SPTY2D1: variants seen among roughly 807,000 people sequenced by gnomAD.
The protein encoded by SPTY2D1 is SPT2 chromatin protein domain containing 1.
Under a neutral mutation model 64.0 loss-of-function variants are expected in SPTY2D1, and 21 were observed. That is an observed-to-expected ratio of 0.33 (90% CI 0.23 to 0.47). The LOEUF (loss-of-function observed/expected upper bound fraction) is 0.47. Among genes scored for constraint, SPTY2D1 ranks in the 20% least tolerant of loss-of-function variants. SPTY2D1 has a pLI of 1.00. For missense variants in SPTY2D1, 724 were observed against 837.2 expected (o/e 0.86, Z 1.67); for synonymous variants, 287 against 286.8 (o/e 1.00, Z -0.01).
intron 2 of SPTY2D1, 141 bp downstream of exon 2, chr11:18,616,734 C>CCTGG (rs2134111719): frequency 3.7e-4 from 1 of 2,734 alleles, no homozygotes; most frequent in East Asian, 9.4e-3. Flanking sequence ...TTAACCTGGA[C>CCTGG]ACACACACAC....
chr11:18,620,836 G>A (rs10832953), intron 1 of SPTY2D1, among the ~76,000 whole-genome samples: 12,835 of 138,268 alleles, frequency 0.093, 658 homozygotes, highest in South Asian at 0.2. Flanking sequence ...GCAGTGAGCC[G>A]AGATCGCGCC....
chr11:18,619,499 C>T (rs1854356588), intron 1 of SPTY2D1, among the ~76,000 whole-genome samples: 1 of 151,302 alleles, frequency 6.6e-6, no homozygotes, highest in African/African-American at 2.4e-5. Context: ...TGACTTACAC[C>T]TGTAATCCCA....
In SPTY2D1 at chr11:18,612,255, A is replaced by C. The variant is rs534224956; in HGVS notation, c.1886+59T>G. 3 of 1,405,264 alleles carry C rather than the reference A, an allele frequency of 2.1e-6. 1 individual carries two copies. In the South Asian group the frequency reaches 4.3e-5, roughly 20 times the overall value. 87.0% of individuals were successfully genotyped at this position (1,405,264 alleles called of 1,614,324 possible). On this transcript the variant is annotated intron_variant, in intron 4 of 5. Coordinates refer to ENST00000336349, the MANE Select transcript of SPTY2D1 (RefSeq NM_194285.3). This position sits in a 1 kb window ranked among gnomAD's most constrained non-coding sequence, Gnocchi z 4.6. ...CACTATTAGTTTATTACCCCATGAC[A>C]TGAATTATTCAAAATAAAAAAAGGA...
chr11:18,615,953 C>A lies in SPTY2D1; in HGVS notation c.321G>T (p.Lys107Asn). The change falls in exon 3 of 6, where the codon AAG (lysine) becomes AAT (asparagine). Residue 107 changes from lysine (K) to asparagine (N), a missense_variant. Lys to Asn is a moderately conservative substitution (Grantham distance 94). Transcript: ENST00000336349. ...TGGTATGGCTTTCTGTTGCCTGCCT[C>A]TTCTTTGACTTTTCCTCAATAGGAA... is the stretch of plus-strand genomic sequence containing the variant. ...NGIPIEEKSK[K>N]RQATESHTSQ... is the part of the protein sequence containing the mutation. The A allele has an allele frequency of 1.3e-6, 2 of 1,530,344 alleles. No individual in the cohort carries two copies. Among genetic ancestry groups the A allele is most frequent in the Middle Eastern group, 1.7e-4 (1 of 5,928 alleles). 94.8% of individuals were successfully genotyped at this position (1,530,344 alleles called of 1,614,324 possible). A position where few individuals can be genotyped will look rare whatever the true frequency, so the allele number is the denominator to read the frequency against.
rs1213674721 is a variant in SPTY2D1 at position 18,615,120 on chromosome 11, C to T, written c.1154G>A (p.Gly385Glu). The T allele has an allele frequency of 1.2e-6, 2 of 1,614,190 alleles. No individual in the cohort carries two copies. Among genetic ancestry groups the T allele is most frequent in the South Asian group, 1.1e-5 (1 of 91,088 alleles). ...SSSAPGQPST[G>E]VARPTVSSGP... ...AGAACTAACTGTGGGTCGAGCAACCCCTGTGCTGGGCTGCCCAGGGGCTGA... is the reference window on the plus strand; with the variant it reads ...AGAACTAACTGTGGGTCGAGCAACCTCTGTGCTGGGCTGCCCAGGGGCTGA... Residue 385 changes from glycine (G) to glutamate (E), a missense_variant, in exon 3 of 6, where the codon GGG becomes GAG. This residue lies in a region of SPTY2D1 where 426 missense variants were observed against 431.8 expected (regional missense o/e 0.99). Coordinates refer to ENST00000336349, the MANE Select transcript of SPTY2D1 (RefSeq NM_194285.3).
rs747593791 is a variant in SPTY2D1 at position 18,622,086 on chromosome 11, C to CAAAAA, written c.61-5102_61-5098dup. ...TGAACAACAGAGTAAGACCCTATCTCAAAAAAAAAAAAAAAAAACCAAAAC... is the reference window on the plus strand; with the variant it reads ...TGAACAACAGAGTAAGACCCTATCTCAAAAAAAAAAAAAAAAAAAAAAACCAAAAC... On this transcript the variant is annotated intron_variant, in intron 1 of 5. Transcript: ENST00000336349. Among the ~76,000 whole-genome samples, 55 of 11,836 alleles carry CAAAAA rather than the reference C, an allele frequency of 4.6e-3. 3 individuals carry two copies. Among genetic ancestry groups the CAAAAA allele is most frequent in the Non-Finnish European group, 8.1e-3 (49 of 6,066 alleles). 7.8% of individuals were successfully genotyped at this position (11,836 alleles called of 152,430 possible).
intron 1 of SPTY2D1, among the ~76,000 whole-genome samples, chr11:18,628,062 C>A (rs1268024598): frequency 2.6e-5 from 4 of 152,038 alleles, no homozygotes; most frequent in African/African-American, 9.7e-5. Context: ...ACAAAAAAAA[C>A]CTGACTGAGA....
At chr11:18,632,586 T>G (rs1854605994) in intron 1 of SPTY2D1, among the ~76,000 whole-genome samples, 1 of 152,184 alleles carries the variant, frequency 6.6e-6, no homozygotes, top group Admixed American at 6.5e-5. Context: ...TGACTTCAGG[T>G]GATTCTCCCG....
Position 18,612,107 on chromosome 11 carries a change from C to T in SPTY2D1, c.1886+207G>A, listed in dbSNP as rs775876700. Reference sequence around the variant, plus strand: ...AATTTAAAAGGGTTATTTTTTGTTCCTCATGCAAATAACTACAGAAACTAT... The same window carrying T: ...AATTTAAAAGGGTTATTTTTTGTTCTTCATGCAAATAACTACAGAAACTAT... On this transcript the variant is annotated intron_variant, in intron 4 of 5. Transcript: ENST00000336349. This position sits in a 1 kb window ranked among gnomAD's most constrained non-coding sequence, Gnocchi z 4.6. The T allele has an allele frequency of 1.8e-5, 7 of 397,478 alleles. No individual in the cohort carries two copies. The highest frequency in any genetic ancestry group is 2.6e-5 in the Non-Finnish European group (6 of 228,798). 24.6% of individuals were successfully genotyped at this position (397,478 alleles called of 1,614,324 possible).
At chr11:18,626,845 G>A (rs1252861639) in intron 1 of SPTY2D1, among the ~76,000 whole-genome samples, 3 of 152,140 alleles carry the variant, frequency 2.0e-5, no homozygotes, top group East Asian at 1.9e-4. Flanking sequence ...GGAAAAAGGT[G>A]AACAGTAGTT....
chr11:18,627,769 C>T (rs1004913465), intron 1 of SPTY2D1, among the ~76,000 whole-genome samples: 3 of 152,084 alleles, frequency 2.0e-5, no homozygotes, highest in Non-Finnish European at 2.9e-5. Flanking sequence ...GTCCCAGCTA[C>T]TCGGGAGGCT....
intron 1 of SPTY2D1, 111 bp from the exon 2 acceptor site, chr11:18,617,100 A>C (rs1854311048): frequency 2.4e-5 from 19 of 786,296 alleles, no homozygotes; most frequent in Non-Finnish European, 3.7e-5. Context: ...TGTGAAACCT[A>C]TTCTGAATAA....
At position 18,614,805 on chromosome 11, in the gene SPTY2D1, C is replaced by A. The variant is rs375716843; in HGVS notation, c.1469G>T (p.Ser490Ile). The A allele has an allele frequency of 1.3e-5, 21 of 1,613,158 alleles. No individual in the cohort carries two copies. The highest frequency in any genetic ancestry group is 1.4e-5 in the Non-Finnish European group (17 of 1,179,476). The change falls in exon 3 of 6, where the codon AGT (serine) becomes ATT (isoleucine). Residue 490 changes from serine (S) to isoleucine (I), a missense_variant. By Grantham distance (142) the Ser-to-Ile change is moderately radical. This residue lies in a region of SPTY2D1 where 426 missense variants were observed against 431.8 expected (regional missense o/e 0.99). Coordinates refer to ENST00000336349, the MANE Select transcript of SPTY2D1 (RefSeq NM_194285.3). Reference sequence around the variant, plus strand: ...GCCACTTATGGATCTCCCAGGGCCACTGACAGACCGCCCCGGGGGGCCCAA... The same window carrying A: ...GCCACTTATGGATCTCCCAGGGCCAATGACAGACCGCCCCGGGGGGCCCAA... ...SGLGPPGRSV[S>I]GPGRSISGSI...
At chr11:18,620,011 A>C (rs1854366756) in intron 1 of SPTY2D1, among the ~76,000 whole-genome samples, 1 of 152,178 alleles carries the variant, frequency 6.6e-6, no homozygotes, top group Non-Finnish European at 1.5e-5. Context: ...GGATATGACA[A>C]ACCGAAAAGC....
At chr11:18,619,032 T>C (rs754863928) in intron 1 of SPTY2D1, among the ~76,000 whole-genome samples, 1 of 152,050 alleles carries the variant, frequency 6.6e-6, no homozygotes, top group African/African-American at 2.4e-5. Context: ...CCATAGTGGA[T>C]AGGGGCTCAA....
In SPTY2D1 at chr11:18,616,031, T is replaced by A; in HGVS notation, c.243A>T (p.Lys81Asn). ...TTGTCCTCTTGGCCATAGCTCTTGC[T>A]TTCTTGTCATGTTTGAGCTCAATTC... ...KKRIELKHDKKARAMAKRTKD... is the reference protein window; with the variant it reads ...KKRIELKHDKNARAMAKRTKD... Residue 81 changes from lysine (K) to asparagine (N), a missense_variant, in exon 3 of 6, where the codon AAA becomes AAT. By Grantham distance (94) the Lys-to-Asn change is moderately conservative (BLOSUM62 0). Around this residue, in one of 3 missense-constraint regions of SPTY2D1, gnomAD observed 179 missense variants for 232.5 expected, o/e 0.77. Transcript: ENST00000336349. 6.2e-7 allele frequency: 1 copy of A among 1,614,114 alleles called. No individual in the cohort carries two copies. The highest frequency in any genetic ancestry group is 8.5e-7 in the Non-Finnish European group (1 of 1,179,992).
At chr11:18,610,830 A>G (rs1022485794) in intron 5 of SPTY2D1, among the ~76,000 whole-genome samples, 1 of 152,190 alleles carries the variant, frequency 6.6e-6, no homozygotes, top group African/African-American at 2.4e-5. Context: ...GGTTACCAAG[A>G]TTGAGATGTG....
Position 18,614,822 on chromosome 11 carries a change from G to A in SPTY2D1, c.1452C>T (p.Pro484=). The A allele has an allele frequency of 6.2e-7, 1 of 1,613,438 alleles. No individual in the cohort carries two copies. Among genetic ancestry groups the A allele is most frequent in the Non-Finnish European group, 8.5e-7 (1 of 1,179,600 alleles). ...ELRRPVSGLG[P]PGRSVSGPGR... ...CAGGGCCACTGACAGACCGCCCCGG[G>A]GGGCCCAAGCCACTCACTGGTCGTC... The change falls in exon 3 of 6, where the codon CCC becomes CCT. Residue 484 remains proline, a synonymous_variant. Transcript: ENST00000336349.
In SPTY2D1 at chr11:18,609,915, T is replaced by G; in HGVS notation, c.2004A>C (p.Arg668Ser). 6.2e-7 allele frequency: 1 copy of G among 1,614,166 alleles called. No individual in the cohort carries two copies. Among genetic ancestry groups the G allele is most frequent in the Non-Finnish European group, 8.5e-7 (1 of 1,180,018 alleles). The change falls in exon 6 of 6, where the codon AGA becomes AGC. Residue 668 changes from arginine to serine, a missense_variant. Around this residue, in one of 3 missense-constraint regions of SPTY2D1, gnomAD observed 119 missense variants for 172.9 expected, o/e 0.69. Coordinates refer to ENST00000336349, the MANE Select transcript of SPTY2D1 (RefSeq NM_194285.3). ...GACGTTGCATTTCTTCTTCTTCACG[T>G]CTCATTTCCTCTAAGTCCTCTTGCA... ...LGMQEDLEEM[R>S]REEEEMQRRR...
Sources: gnomAD v4.1 joint callset for allele counts (sites outside exome capture counted in the v4.1 genomes callset) on GRCh38, gnomAD v4.1.1 for gene constraint, gnomAD v4.1.1 regional missense constraint, Gnocchi (gnomAD v3.1) non-coding constraint, MANE v1.5 for transcripts, NCBI Gene and HGNC (gene_info 2026-07-23, HGNC 2026-07-21) for gene names.